ZC3H12B: variants seen among roughly 807,000 people sequenced by gnomAD.
ZC3H12B encodes probable ribonuclease ZC3H12B.
In ZC3H12B, 7 loss-of-function variants were observed where a neutral mutation model predicts 43.9. The ratio of observed to expected loss-of-function variants is 0.16; its 90% CI spans 0.09 to 0.30. The LOEUF (loss-of-function observed/expected upper bound fraction) is 0.30. Among genes scored for constraint, ZC3H12B ranks in the 10% least tolerant of loss-of-function variants. The probability of loss-of-function intolerance (pLI) is 1.00; values close to 1 mark genes in which losing one functional copy is unlikely to be tolerated. For synonymous variants in ZC3H12B, 222 were observed against 241.7 expected (o/e 0.92, Z 0.76); for missense variants, 475 against 670.2 (o/e 0.71, Z 3.22).
chrX:65,302,077 G>A, the ZC3H12B span, among the ~76,000 whole-genome samples: 2 of 111,169 alleles, frequency 1.8e-5, no homozygotes, highest in Admixed American at 1.9e-4. Context: ...TATACTTAAT[G>A]GGAAGAAACT....
In ZC3H12B at chrX:65,503,073, A is replaced by G. The variant is rs758208002; in HGVS notation, c.2375A>G (p.Gln792Arg). ...AGGGAGCATATGATCCCAGAACACC[A>G]GTATCAGACCTACAAGAACCTCTGC... The change falls in exon 5 of 5, where the codon CAG becomes CGG. Residue 792 changes from glutamine to arginine, a missense_variant. By Grantham distance (43) the Gln-to-Arg change is conservative. This residue lies in a region of ZC3H12B where 289 missense variants were observed against 359.9 expected (regional missense o/e 0.80). Transcript: ENST00000338957. 2.5e-6 allele frequency: 3 copies of G among 1,211,479 alleles called. No homozygotes were observed. The South Asian group carries it at 5.3e-5, about 21-fold the overall frequency.
the ZC3H12B span, among the ~76,000 whole-genome samples, chrX:65,035,502 C>A: frequency 8.9e-6 from 1 of 111,994 alleles, no homozygotes; most frequent in Admixed American, 9.4e-5. Flanking sequence ...GGCTTTGCTT[C>A]TTAGATGCCA....
At chrX:65,094,554 T>C in the ZC3H12B span, among the ~76,000 whole-genome samples, 6 of 111,675 alleles carry the variant, frequency 5.4e-5, no homozygotes, top group Admixed American at 3.8e-4. Context: ...AGTTATGATT[T>C]GGATTTTTAA....
the ZC3H12B span, among the ~76,000 whole-genome samples, chrX:65,315,459 T>A: frequency 9.0e-6 from 1 of 111,111 alleles, no homozygotes; most frequent in Non-Finnish European, 1.9e-5. Flanking sequence ...GTTGTGACAA[T>A]CACTAACCTA....
chrX:65,213,158 G>T, the ZC3H12B span, among the ~76,000 whole-genome samples: 3 of 108,488 alleles, frequency 2.8e-5, no homozygotes, highest in Admixed American at 1.0e-4. Flanking sequence ...TTATATTAAT[G>T]ATATTATATA....
the ZC3H12B span, among the ~76,000 whole-genome samples, chrX:65,102,090 C>G: frequency 8.9e-6 from 1 of 111,795 alleles, no homozygotes; most frequent in Non-Finnish European, 1.9e-5. Flanking sequence ...CTATGCAAAT[C>G]AATAAATGTA....
chrX:65,170,933 G>A, the ZC3H12B span, among the ~76,000 whole-genome samples: 9 of 111,544 alleles, frequency 8.1e-5, no homozygotes, highest in Non-Finnish European at 1.5e-4. Context: ...TTAGCCATTC[G>A]TCTAATATTT....
intron 3 of ZC3H12B, among the ~76,000 whole-genome samples, chrX:65,477,419 G>A (rs1452536270): frequency 1.8e-5 from 2 of 110,587 alleles, no homozygotes; most frequent in Non-Finnish European, 3.8e-5. Context: ...GTGAAGAAGA[G>A]GAAAAATAAA....
intron 3 of ZC3H12B, among the ~76,000 whole-genome samples, chrX:65,438,417 T>G (rs746631992): frequency 9.0e-6 from 1 of 111,725 alleles, no homozygotes; most frequent in Admixed American, 9.5e-5. Context: ...TAGTTTTCAC[T>G]AAAAAGGTCC....
At chrX:65,068,971 T>G in the ZC3H12B span, among the ~76,000 whole-genome samples, 1 of 109,419 alleles carries the variant, frequency 9.1e-6, no homozygotes, top group Non-Finnish European at 1.9e-5. Flanking sequence ...GCCCATAAGG[T>G]TTCTCCTGAG....
intron 2 of ZC3H12B, among the ~76,000 whole-genome samples, chrX:65,384,442 G>A (rs769459967): frequency 9.0e-6 from 1 of 111,017 alleles, no homozygotes; most frequent in South Asian, 3.8e-4. Flanking sequence ...CAGTGCACCA[G>A]CATGGCACAT....
the ZC3H12B span, among the ~76,000 whole-genome samples, chrX:65,179,879 A>G: frequency 9.4e-4 from 105 of 112,060 alleles, 2 homozygotes; most frequent in African/African-American, 3.4e-3. Flanking sequence ...GTCCACCAAA[A>G]AAATCCCAGG....
intron 3 of ZC3H12B, among the ~76,000 whole-genome samples, chrX:65,424,251 C>G (rs773617234): frequency 1.8e-5 from 2 of 111,988 alleles, no homozygotes; most frequent in Non-Finnish European, 3.8e-5. Flanking sequence ...GTTTGTTAGC[C>G]GTACATACAC....
intron 2 of ZC3H12B, among the ~76,000 whole-genome samples, chrX:65,498,044 A>G (rs1221051769): frequency 9.0e-6 from 1 of 110,734 alleles, no homozygotes; most frequent in African/African-American, 3.3e-5. Flanking sequence ...ACCTGGGACT[A>G]CAGGCATGTA....
chrX:65,484,539 GA>G (rs777278128), upstream of ZC3H12B, among the ~76,000 whole-genome samples: 8 of 111,439 alleles, frequency 7.2e-5, no homozygotes, highest in Non-Finnish European at 1.5e-4. Context: ...TGCCTTTTAT[GA>G]AAAAAAATTG....
At chrX:65,193,230 G>A in the ZC3H12B span, among the ~76,000 whole-genome samples, 1 of 110,533 alleles carries the variant, frequency 9.0e-6, no homozygotes, top group East Asian at 2.8e-4. Flanking sequence ...AGTTTAAGGA[G>A]GGTTGACATT....
chrX:65,446,533 G>A (rs746682852), intron 3 of ZC3H12B, among the ~76,000 whole-genome samples: 1 of 111,906 alleles, frequency 8.9e-6, no homozygotes, highest in South Asian at 3.7e-4. Flanking sequence ...ATGGTTGGGT[G>A]GGATAGATGA....
chrX:65,303,969 G>A, the ZC3H12B span, among the ~76,000 whole-genome samples: 1 of 112,449 alleles, frequency 8.9e-6, no homozygotes, highest in African/African-American at 3.2e-5. Context: ...TTTTACCCAA[G>A]TAGAGATACA....
chrX:65,406,621 A>ACGGGCGGGG (rs2066829266), intron 3 of ZC3H12B, among the ~76,000 whole-genome samples: 2 of 22,495 alleles, frequency 8.9e-5, no homozygotes, highest in African/African-American at 5.3e-4. Flanking sequence ...GCTGGGCGGG[A>ACGGGCGGGG]CTGGGCGGGG....
Sources: allele counts gnomAD v4.1 joint callset (sites outside exome capture counted in the v4.1 genomes callset), GRCh38; gene constraint gnomAD v4.1.1; regional missense constraint gnomAD v4.1.1; transcripts MANE v1.5; gene names NCBI Gene and HGNC (gene_info 2026-07-23, HGNC 2026-07-21).